Variants in KCNIP4 observed in about 807,000 individuals in gnomAD.
The protein encoded by KCNIP4 is Kv channel-interacting protein 4.
Under a neutral mutation model 34.0 loss-of-function variants are expected in KCNIP4, and 12 were observed. The ratio of observed to expected loss-of-function variants is 0.35; its 90% CI spans 0.23 to 0.57. The LOEUF (loss-of-function observed/expected upper bound fraction) is 0.57, where lower values mean the gene tolerates loss of function less well. Ranked by LOEUF, KCNIP4 falls within the 20% of genes least tolerant of loss-of-function variation. KCNIP4 has a pLI of 0.83. For missense variants in KCNIP4, 238 were observed against 311.7 expected (o/e 0.76, Z 1.78); for synonymous variants, 124 against 102.2 (o/e 1.21, Z -1.29).
chr4:21,909,499 G>T (rs1458908629), intron 1 of KCNIP4, among the ~76,000 whole-genome samples: 1 of 151,952 alleles, frequency 6.6e-6, no homozygotes, highest in African/African-American at 2.4e-5. Context: ...TCTGCTGCTT[G>T]TTTATTTCAT....
At chr4:21,030,623 C>T (rs901931156) in intron 1 of KCNIP4, among the ~76,000 whole-genome samples, 24 of 152,062 alleles carry the variant, frequency 1.6e-4, no homozygotes, top group Non-Finnish European at 1.3e-4. Context: ...CACTGATTGA[C>T]TTCAGAAATG....
intron 1 of KCNIP4, among the ~76,000 whole-genome samples, chr4:20,971,172 G>T (rs1734914102): frequency 2.6e-5 from 4 of 152,174 alleles, no homozygotes; most frequent in Admixed American, 2.6e-4. Flanking sequence ...GAGTTTGCCA[G>T]CACTAGAGCA....
chr4:21,843,432 T>C (rs559148346), intron 1 of KCNIP4: 8 of 152,240 alleles, frequency 5.3e-5, no homozygotes, highest in East Asian at 3.9e-4. Flanking sequence ...TTGGAGACTA[T>C]AGCAGAAGCA....
intron 1 of KCNIP4, among the ~76,000 whole-genome samples, chr4:21,433,515 C>T (rs1048127548): frequency 6.6e-6 from 1 of 152,158 alleles, no homozygotes; most frequent in Non-Finnish European, 1.5e-5. Context: ...CTAGCTAACC[C>T]GCAATGTGAA....
intron 1 of KCNIP4, among the ~76,000 whole-genome samples, chr4:21,327,713 G>A (rs150927241): frequency 1.3e-5 from 2 of 152,016 alleles, no homozygotes; most frequent in East Asian, 1.9e-4. Context: ...TCCAGATCAC[G>A]TAGGCATCCT....
At chr4:20,768,261 C>T (rs910544808) in intron 3 of KCNIP4, among the ~76,000 whole-genome samples, 1 of 152,118 alleles carries the variant, frequency 6.6e-6, no homozygotes, top group Non-Finnish European at 1.5e-5. Context: ...TGAATTTGCT[C>T]TGATAATGTC....
chr4:21,444,756 G>A (rs1462918626), intron 1 of KCNIP4, among the ~76,000 whole-genome samples: 2 of 152,160 alleles, frequency 1.3e-5, no homozygotes, highest in African/African-American at 4.8e-5. Flanking sequence ...ATTCAACACA[G>A]TGTTGGAAGT....
chr4:21,188,972 A>G (rs1391560272), intron 1 of KCNIP4, among the ~76,000 whole-genome samples: 2 of 152,214 alleles, frequency 1.3e-5, no homozygotes, highest in African/African-American at 2.4e-5. Context: ...AGAAAGTCCT[A>G]GAATTGAATC....
intron 3 of KCNIP4, among the ~76,000 whole-genome samples, chr4:20,848,839 G>A (rs1720686440): frequency 6.6e-6 from 1 of 152,112 alleles, no homozygotes; most frequent in East Asian, 1.9e-4. Flanking sequence ...CTAGATCTCT[G>A]AATTATAGCA....
chr4:21,352,267 G>C (rs1718079815), intron 1 of KCNIP4, among the ~76,000 whole-genome samples: 1 of 152,178 alleles, frequency 6.6e-6, no homozygotes, highest in Non-Finnish European at 1.5e-5. Context: ...CATATCATTG[G>C]GACTGGTTGG....
chr4:21,836,723 C>T (rs1322989267), intron 1 of KCNIP4, among the ~76,000 whole-genome samples: 2 of 152,026 alleles, frequency 1.3e-5, no homozygotes, highest in Non-Finnish European at 2.9e-5. Context: ...AAAGGAGCTT[C>T]TTCCCAGAAG....
chr4:21,737,240 C>G (rs890902029), intron 1 of KCNIP4, among the ~76,000 whole-genome samples: 1 of 152,114 alleles, frequency 6.6e-6, no homozygotes, highest in African/African-American at 2.4e-5. Flanking sequence ...ATTTAATGTT[C>G]TCATCATTCA....
chr4:21,458,446 A>G (rs78436205), intron 1 of KCNIP4, among the ~76,000 whole-genome samples: 16,406 of 151,880 alleles, frequency 0.11, 1,139 homozygotes, highest in South Asian at 0.16. Context: ...TAATGCTGCA[A>G]TAAACATACG....
chr4:21,333,634 A>G (rs992879369), intron 1 of KCNIP4, among the ~76,000 whole-genome samples: 1 of 152,056 alleles, frequency 6.6e-6, no homozygotes, highest in Non-Finnish European at 1.5e-5. Context: ...TAATTTAAAT[A>G]TAGTTTTTAC....
At chr4:21,693,157 G>T (rs540277435) in intron 1 of KCNIP4, among the ~76,000 whole-genome samples, 3 of 29,694 alleles carry the variant, frequency 1.0e-4, no homozygotes, top group South Asian at 5.9e-4. Flanking sequence ...ACCCACAGAG[G>T]CCTGTTAGGA....
intron 5 of KCNIP4, among the ~76,000 whole-genome samples, chr4:20,736,743 A>G (rs1749723128): frequency 6.6e-6 from 1 of 152,240 alleles, no homozygotes; most frequent in African/African-American, 2.4e-5. Flanking sequence ...CTTCCACTTA[A>G]GCAAATTTAT....
chr4:21,616,503 G>A (rs927862525), intron 1 of KCNIP4, among the ~76,000 whole-genome samples: 4 of 152,146 alleles, frequency 2.6e-5, no homozygotes, highest in Non-Finnish European at 5.9e-5. Flanking sequence ...TTAGTGTCCT[G>A]GGGCTGTCGT....
intron 1 of KCNIP4, among the ~76,000 whole-genome samples, chr4:21,305,998 T>A (rs1712424459): frequency 6.6e-6 from 1 of 152,188 alleles, no homozygotes; most frequent in Admixed American, 6.5e-5. Flanking sequence ...ATCTAGATAG[T>A]CACTACTGTG....
intron 1 of KCNIP4, among the ~76,000 whole-genome samples, chr4:21,841,082 T>G (rs896384407): frequency 6.6e-6 from 1 of 152,218 alleles, no homozygotes. Flanking sequence ...TTCATAAAAT[T>G]TATTTTTAAA....
Sources: allele counts gnomAD v4.1 joint callset (sites outside exome capture counted in the v4.1 genomes callset), GRCh38; gene constraint gnomAD v4.1.1; transcripts MANE v1.5; gene names NCBI Gene and HGNC (gene_info 2026-07-23, HGNC 2026-07-21).